Variants in PCDHGA4 observed in about 807,000 individuals in gnomAD.
The protein encoded by PCDHGA4 is protocadherin gamma subfamily A, 4.
Under a neutral mutation model 54.6 loss-of-function variants are expected in PCDHGA4, and 38 were observed. That is an observed-to-expected ratio of 0.70 (90% CI 0.54 to 0.91). The LOEUF (loss-of-function observed/expected upper bound fraction) is 0.91. PCDHGA4 is among the 40% of genes least tolerant of loss of function. The pLI is 0.00. For synonymous variants in PCDHGA4, 511 were observed against 512.9 expected, an observed-to-expected ratio of 1.00 and a Z score of 0.05; for missense variants, 1,298 against 1,220.9, an observed-to-expected ratio of 1.06 and a Z score of -0.94.
rs200868391 is a variant in PCDHGA4 at position 141,415,586 on chromosome 5, C to T, written c.2514+57965C>T. 540 of 1,613,746 alleles carry T rather than the reference C, an allele frequency of 3.3e-4. No individual in the cohort carries two copies. Among genetic ancestry groups the T allele is most frequent in the Non-Finnish European group, 4.5e-4 (527 of 1,179,996 alleles). ...TCTTTGTTAGATGATTCGAAGTTTCCTATAGAGGATACCCCATTGGTTCCA... is the reference window on the plus strand; with the variant it reads ...TCTTTGTTAGATGATTCGAAGTTTCTTATAGAGGATACCCCATTGGTTCCA... On this transcript the variant is annotated intron_variant, in intron 1 of 3. Coordinates refer to ENST00000571252, the MANE Select transcript of PCDHGA4 (RefSeq NM_018917.4).
chr5:141,492,558 G>A (rs879634396), intron 1 of PCDHGA4, among the ~76,000 whole-genome samples: 1 of 152,236 alleles, frequency 6.6e-6, no homozygotes, highest in South Asian at 2.1e-4. Context: ...CGCCTGGGGG[G>A]CGGCCTGAGC....
intron 1 of PCDHGA4, chr5:141,365,786 C>T (rs1446985601): frequency 6.2e-7 from 1 of 1,613,932 alleles, no homozygotes; most frequent in Non-Finnish European, 8.5e-7. Context: ...CGACAACGCT[C>T]GAGTCACCTA....
intron 1 of PCDHGA4, chr5:141,407,979 T>G: frequency 1.3e-6 from 1 of 748,940 alleles, no homozygotes; most frequent in Non-Finnish European, 2.0e-6. Context: ...ACGCCGGGGA[T>G]CCGTCAGCCT....
chr5:141,392,511 A>T (rs1368500575), intron 1 of PCDHGA4: 1 of 240,352 alleles, frequency 4.2e-6, no homozygotes, highest in Non-Finnish European at 7.9e-6. Flanking sequence ...TTTTTTTCTC[A>T]GTAATCTAGT....
intron 1 of PCDHGA4, among the ~76,000 whole-genome samples, chr5:141,433,553 T>C (rs530467777): frequency 1.3e-5 from 2 of 151,614 alleles, no homozygotes; most frequent in African/African-American, 4.8e-5. Flanking sequence ...TATTCTTTTC[T>C]GGCTGGGCGC....
intron 1 of PCDHGA4, among the ~76,000 whole-genome samples, chr5:141,444,880 G>A (rs527554886): frequency 6.6e-6 from 1 of 152,150 alleles, no homozygotes; most frequent in Non-Finnish European, 1.5e-5. Context: ...AAGCTTGTAG[G>A]ATTTTTGAAT....
Position 141,494,808 on chromosome 5 carries a change from A to G in PCDHGA4, c.2516A>G (p.Gln839Arg). The G allele has an allele frequency of 1.9e-6, 3 of 1,614,014 alleles. No individual in the cohort carries two copies. Among genetic ancestry groups the G allele is most frequent in the Non-Finnish European group, 2.5e-6 (3 of 1,179,982 alleles). The change falls in exon 2 of 4, where the codon CAA becomes CGA. Residue 839 changes from glutamine to arginine, a missense_variant and splice_region_variant. Gln to Arg is a conservative substitution (Grantham distance 43, BLOSUM62 1). Coordinates refer to ENST00000571252, the MANE Select transcript of PCDHGA4 (RefSeq NM_018917.4). ...CCTTTCCCTCTGTTTTCTCCACAGC[A>G]AGCCCCGCCCAACACGGACTGGCGT... ...LETKGDPNLQ[Q>R]APPNTDWRFS...
chr5:141,491,118 T>C lies in PCDHGA4; in HGVS notation c.2515-3689T>C, dbSNP rs1421005816. Reference sequence around the variant, plus strand: ...TGTTCCTCGTGTCTACACACACTGGTGAGGTGCGCACAGCCCGGGCCTTAC... The same window carrying C: ...TGTTCCTCGTGTCTACACACACTGGCGAGGTGCGCACAGCCCGGGCCTTAC... On this transcript the variant is annotated intron_variant, in intron 1 of 3. Coordinates refer to ENST00000571252, the MANE Select transcript of PCDHGA4 (RefSeq NM_018917.4). This position sits in a 1 kb window ranked among gnomAD's most constrained non-coding sequence, Gnocchi z 6.9. The C allele has an allele frequency of 1.2e-6, 2 of 1,613,926 alleles. No homozygotes were observed. Among genetic ancestry groups the C allele is most frequent in the African/African-American group, 2.7e-5 (2 of 74,890 alleles).
intron 1 of PCDHGA4, chr5:141,393,608 A>G: frequency 6.2e-7 from 1 of 1,613,986 alleles, no homozygotes; most frequent in Non-Finnish European, 8.5e-7. Context: ...TTACTGTAAC[A>G]GCCAGCGACC....
At chr5:141,448,707 G>A (rs1455790773) in intron 1 of PCDHGA4, among the ~76,000 whole-genome samples, 4 of 152,228 alleles carry the variant, frequency 2.6e-5, no homozygotes, top group South Asian at 2.1e-4. Flanking sequence ...TTGGGAGGCC[G>A]AGGCGGGAGG....
intron 1 of PCDHGA4, chr5:141,389,409 A>G: frequency 6.2e-7 from 1 of 1,613,590 alleles, no homozygotes; most frequent in Admixed American, 1.7e-5. Context: ...AAGCGCGGAG[A>G]GCGGGGTGGT....
Position 141,374,612 on chromosome 5 carries a change from C to T in PCDHGA4, c.2514+16991C>T. The T allele has an allele frequency of 1.9e-6, 3 of 1,613,552 alleles. 1 individual carries two copies. The highest frequency in any genetic ancestry group is 1.1e-5 in the South Asian group (1 of 91,056). On this transcript the variant is annotated intron_variant, in intron 1 of 3. Transcript: ENST00000571252. ...GGGATTTAAGCTCAGTGGTAATAGT[C>T]ACTTCTCAGTGGACGTGCAAAGCGA...
chr5:141,433,142 G>A, intron 1 of PCDHGA4: 2 of 1,614,108 alleles, frequency 1.2e-6, no homozygotes, highest in African/African-American at 1.3e-5. Flanking sequence ...TTTGCTGTCA[G>A]GTGATTCGGT....
At chr5:141,366,059 C>A (rs772139031) in intron 1 of PCDHGA4, 2 of 1,614,268 alleles carry the variant, frequency 1.2e-6, no homozygotes, top group Admixed American at 1.7e-5. Flanking sequence ...GGGCGTGGAG[C>A]TGGCGCCTCG....
At chr5:141,453,521 T>A (rs1311886024) in intron 1 of PCDHGA4, among the ~76,000 whole-genome samples, 2 of 152,148 alleles carry the variant, frequency 1.3e-5, no homozygotes, top group Non-Finnish European at 2.9e-5. Flanking sequence ...TCCTCCCCTA[T>A]ACCTTCTGCC....
At chr5:141,462,523 G>GTGTT (rs2099041548) in intron 1 of PCDHGA4, among the ~76,000 whole-genome samples, 1 of 152,024 alleles carries the variant, frequency 6.6e-6, no homozygotes, top group African/African-American at 2.4e-5. Context: ...GTTAGTAAGA[G>GTGTT]TGTTGTTCAG....
chr5:141,374,436 C>T, intron 1 of PCDHGA4: 3 of 1,613,872 alleles, frequency 1.9e-6, no homozygotes, highest in Non-Finnish European at 2.5e-6. Context: ...AATCTTTATC[C>T]CGTGGAAGTG....
chr5:141,365,474 A>G, intron 1 of PCDHGA4: 1 of 1,614,006 alleles, frequency 6.2e-7, no homozygotes, highest in Non-Finnish European at 8.5e-7. Flanking sequence ...AAATGGTGAG[A>G]TTGCATGCTC....
At chr5:141,435,067 T>C (rs1381741674) in intron 1 of PCDHGA4, among the ~76,000 whole-genome samples, 1 of 152,168 alleles carries the variant, frequency 6.6e-6, no homozygotes, top group African/African-American at 2.4e-5. Flanking sequence ...CAGTTTTGTG[T>C]AGACCGTCTG....
Sources: gnomAD v4.1 joint callset for allele counts (sites outside exome capture counted in the v4.1 genomes callset) on GRCh38, gnomAD v4.1.1 for gene constraint, Gnocchi (gnomAD v3.1) non-coding constraint, MANE v1.5 for transcripts, NCBI Gene and HGNC (gene_info 2026-07-23, HGNC 2026-07-21) for gene names.